GLDC: variants seen among roughly 807,000 people sequenced by gnomAD.
The protein encoded by GLDC is glycine decarboxylase.
Under a neutral mutation model 121.3 loss-of-function variants are expected in GLDC, and 104 were observed. The observed-to-expected ratio is 0.86, with a 90% CI of 0.73 to 1.01. The LOEUF (loss-of-function observed/expected upper bound fraction) is 1.01. GLDC is among the 50% of genes least tolerant of loss of function. GLDC has a pLI of 0.00. For synonymous variants in GLDC, 546 were observed against 480.6 expected, an observed-to-expected ratio of 1.14 and a Z score of -1.78; for missense variants, 1,429 against 1,306.6, an observed-to-expected ratio of 1.09 and a Z score of -1.44.
chr9:6,580,702 A>T (rs1363666142), intron 15 of GLDC, among the ~76,000 whole-genome samples: 1 of 152,186 alleles, frequency 6.6e-6, no homozygotes, highest in Non-Finnish European at 1.5e-5. Flanking sequence ...AGCTGGTGCC[A>T]TAGTTATTGG....
Position 6,605,070 on chromosome 9 carries a change from G to A in GLDC, c.861+61C>T, listed in dbSNP as rs143252088. The A allele has an allele frequency of 2.8e-6, 4 of 1,421,914 alleles. No homozygotes were observed. The East Asian group carries it at 6.8e-5, about 24-fold the overall frequency. 88.1% of individuals were successfully genotyped at this position (1,421,914 alleles called of 1,614,324 possible). A position where few individuals can be genotyped will look rare whatever the true frequency, so the allele number is the denominator to read the frequency against. ...ACATGAAAAGACAGAGAGAGAGATA[G>A]GTAGACAGATACAAGTTGGGATACG... On this transcript the variant is annotated intron_variant, in intron 6 of 24. Coordinates refer to ENST00000321612, the MANE Select transcript of GLDC (RefSeq NM_000170.3).
At chr9:6,610,592 T>C (rs1365639225) in intron 3 of GLDC, among the ~76,000 whole-genome samples, 1 of 152,166 alleles carries the variant, frequency 6.6e-6, no homozygotes, top group Non-Finnish European at 1.5e-5. Context: ...CTGGTGTTGT[T>C]TTTTTGTTTT....
Position 6,540,328 on chromosome 9 carries a change from A to C in GLDC, c.2570-182T>G, listed in dbSNP as rs554180835. 232 of 616,694 alleles carry C rather than the reference A, an allele frequency of 3.8e-4. 3 individuals carry two copies. Among genetic ancestry groups the C allele is most frequent in the South Asian group, 3.6e-3 (193 of 53,154 alleles). 38.2% of individuals were successfully genotyped at this position (616,694 alleles called of 1,614,324 possible). On this transcript the variant is annotated intron_variant, in intron 21 of 24. Coordinates refer to ENST00000321612, the MANE Select transcript of GLDC (RefSeq NM_000170.3). The stretch of plus-strand genomic sequence containing the variant: ...TAAAGGTTTCATTTAGTCTTATTAC[A>C]AATAAAAATGTTTAGCACACTGTGC...
Position 6,610,295 on chromosome 9 carries a change from T to C in GLDC, c.532A>G (p.Asn178Asp). The C allele has an allele frequency of 6.2e-7, 1 of 1,613,890 alleles. No homozygotes were observed. Among genetic ancestry groups the C allele is most frequent in the Non-Finnish European group, 8.5e-7 (1 of 1,179,826 alleles). Reference protein sequence around the residue: ...VSQGRLESLLNYQTMVCDITG... With the variant: ...VSQGRLESLLDYQTMVCDITG... ...ATGTCACACACCATGGTCTGGTAGT[T>C]GAGTAAACTCTCCAGCCTCCCCTGA... The change falls in exon 4 of 25, where the codon AAC becomes GAC. Residue 178 changes from asparagine to aspartate, a missense_variant. Asn to Asp is a conservative substitution (Grantham distance 23, BLOSUM62 1). Coordinates refer to ENST00000321612, the MANE Select transcript of GLDC (RefSeq NM_000170.3).
At chr9:6,604,246 G>A (rs1394611711) in intron 7 of GLDC, among the ~76,000 whole-genome samples, 1 of 152,140 alleles carries the variant, frequency 6.6e-6, no homozygotes, top group East Asian at 1.9e-4. Context: ...TCTTTACAGA[G>A]CCACGTGGCA....
chr9:6,551,664 G>C (rs1304486216), intron 20 of GLDC, among the ~76,000 whole-genome samples: 1 of 152,154 alleles, frequency 6.6e-6, no homozygotes, highest in Non-Finnish European at 1.5e-5. Flanking sequence ...AGGGTTCCTA[G>C]ATTAAGAGCC....
chr9:6,638,928 G>C lies in GLDC; in HGVS notation c.334+5686C>G, dbSNP rs183545915. Among the ~76,000 whole-genome samples the C allele has an allele frequency of 4.5e-3, 684 of 151,950 alleles. 3 individuals carry two copies. The highest frequency in any genetic ancestry group is 8.4e-3 in the Non-Finnish European group (574 of 68,002). On this transcript the variant is annotated intron_variant, in intron 2 of 24. Coordinates refer to ENST00000321612, the MANE Select transcript of GLDC (RefSeq NM_000170.3). Reference sequence around the variant, plus strand: ...GGAGGCTCAGGCAGGAGAATCGCTTGAACCCAGGAGGCAGAGGTTGTGGTG... The same window carrying C: ...GGAGGCTCAGGCAGGAGAATCGCTTCAACCCAGGAGGCAGAGGTTGTGGTG...
intron 2 of GLDC, among the ~76,000 whole-genome samples, chr9:6,640,035 G>A (rs1388650853): frequency 1.3e-5 from 2 of 152,102 alleles, no homozygotes; most frequent in Non-Finnish European, 1.5e-5. Flanking sequence ...TCAGTTGCCC[G>A]ACTTCTAGTA....
chr9:6,611,440 C>G (rs571312960), intron 3 of GLDC, among the ~76,000 whole-genome samples: 1 of 152,052 alleles, frequency 6.6e-6, no homozygotes, highest in Admixed American at 6.6e-5. Flanking sequence ...CCTGTAGTCC[C>G]AGCTACTCAG....
At chr9:6,533,185 G>T (rs760781247) in intron 24 of GLDC, 25 bp from the exon 25 acceptor site, 1 of 1,611,082 alleles carries the variant, frequency 6.2e-7, no homozygotes, top group Non-Finnish European at 8.5e-7. Context: ...AGATGGAAAT[G>T]CTGTGAGATG....
At chr9:6,629,959 T>TATATATATATATGTATATATATATA (rs1449751329) in intron 2 of GLDC, among the ~76,000 whole-genome samples, 1 of 55,870 alleles carries the variant, frequency 1.8e-5, no homozygotes, top group African/African-American at 1.5e-4. Context: ...ATATATATAT[T>TATATATATATATGTATATATATATA]TTTTTTTTTT....
At chr9:6,539,835 G>C (rs1407821982) in intron 22 of GLDC, among the ~76,000 whole-genome samples, 1 of 152,122 alleles carries the variant, frequency 6.6e-6, no homozygotes, top group East Asian at 1.9e-4. Context: ...GGCTGTTAAT[G>C]GATTCAAGAT....
intron 15 of GLDC, among the ~76,000 whole-genome samples, chr9:6,580,469 T>C (rs202124461): frequency 6.6e-6 from 1 of 151,898 alleles, no homozygotes; most frequent in Non-Finnish European, 1.5e-5. Flanking sequence ...AAGTGAGGGG[T>C]CTACTGATCC....
intron 8 of GLDC, among the ~76,000 whole-genome samples, chr9:6,600,020 T>C (rs73639329): frequency 1.7e-3 from 252 of 152,206 alleles, no homozygotes; most frequent in African/African-American, 5.7e-3. Context: ...AAGAGCACTC[T>C]ACCTCCCATT....
At chr9:6,620,151 G>T in intron 3 of GLDC, 33 bp downstream of exon 3, 9 of 1,605,284 alleles carry the variant, frequency 5.6e-6, no homozygotes, top group Non-Finnish European at 7.7e-6. Flanking sequence ...GCAAATCACA[G>T]TCATCCTGTT....
intron 2 of GLDC, among the ~76,000 whole-genome samples, chr9:6,620,996 C>T (rs1472915468): frequency 6.6e-6 from 1 of 152,010 alleles, no homozygotes; most frequent in Non-Finnish European, 1.5e-5. Flanking sequence ...GGTGAAACCC[C>T]GTCTCTACCA....
At chr9:6,559,277 G>A (rs1338185052) in intron 16 of GLDC, among the ~76,000 whole-genome samples, 2 of 152,118 alleles carry the variant, frequency 1.3e-5, no homozygotes, top group African/African-American at 4.8e-5. Flanking sequence ...CACTTTGGGA[G>A]GCCGAGGCGG....
intron 3 of GLDC, among the ~76,000 whole-genome samples, chr9:6,619,728 G>A (rs1819043750): frequency 6.6e-6 from 1 of 152,052 alleles, no homozygotes; most frequent in East Asian, 1.9e-4. Context: ...ACTCCGTCTG[G>A]GCAGGGTGGT....
intron 19 of GLDC, among the ~76,000 whole-genome samples, chr9:6,554,051 C>G (rs1817568044): frequency 6.6e-6 from 1 of 152,094 alleles, no homozygotes; most frequent in Non-Finnish European, 1.5e-5. Flanking sequence ...ACTCTGAAAA[C>G]TGACTTCTTT....
Sources: gnomAD v4.1 joint callset for allele counts (sites outside exome capture counted in the v4.1 genomes callset) on GRCh38, gnomAD v4.1.1 for gene constraint, MANE v1.5 for transcripts, NCBI Gene and HGNC (gene_info 2026-07-23, HGNC 2026-07-21) for gene names.